DLEC1: variants seen among roughly 807,000 people sequenced by gnomAD.
DLEC1 encodes the protein DLEC1 cilia and flagella associated protein, also known as deleted in lung and esophageal cancer protein 1.
DLEC1 carries 146 observed loss-of-function variants against 198.1 expected under a neutral mutation model. The observed-to-expected ratio is 0.74, with a 90% confidence interval of 0.64 to 0.85. DLEC1 has a LOEUF of 0.85. DLEC1 is among the 40% of genes least tolerant of loss of function. The pLI is 0.00. For synonymous variants in DLEC1, 897 were observed against 866.8 expected (o/e 1.03, Z -0.61); for missense variants, 2,233 against 2,220.0 (o/e 1.01, Z -0.12).
At position 38,114,398 on chromosome 3, in the gene DLEC1, C is replaced by T. The variant is rs1700042719; in HGVS notation, c.3723C>T (p.Pro1241=). The part of the protein sequence containing the change: ...IPVHMAAVGC[P]ISSLRTTSYT... ...TGCACATGGCAGCGGTGGGCTGCCCCATCAGCTCCCTGAGGACCACCTCCT... is the reference window on the plus strand; with the variant it reads ...TGCACATGGCAGCGGTGGGCTGCCCTATCAGCTCCCTGAGGACCACCTCCT... The change falls in exon 26 of 37, where the codon CCC becomes CCT. Residue 1241 remains proline (P), a synonymous_variant. Coordinates refer to ENST00000308059, the MANE Select transcript of DLEC1 (RefSeq NM_007335.4). The T allele has an allele frequency of 6.2e-7, 1 of 1,614,050 alleles. No individual in the cohort carries two copies. The highest frequency in any genetic ancestry group is 8.5e-7 in the Non-Finnish European group (1 of 1,180,024).
At chr3:38,090,264 AC>A (rs923287800) in intron 10 of DLEC1, among the ~76,000 whole-genome samples, 2 of 151,866 alleles carry the variant, frequency 1.3e-5, no homozygotes, top group Non-Finnish European at 2.9e-5. Context: ...GCTCCCTTTC[AC>A]CCCAGTTCCT....
chr3:38,118,365 CCA>C (rs1272931835), intron 33 of DLEC1, among the ~76,000 whole-genome samples: 1 of 152,166 alleles, frequency 6.6e-6, no homozygotes, highest in Non-Finnish European at 1.5e-5. Context: ...CCTCCCCTTC[CCA>C]CACACACAGA....
chr3:38,075,002 C>T (rs182395914), intron 6 of DLEC1, among the ~76,000 whole-genome samples: 16 of 152,030 alleles, frequency 1.1e-4, no homozygotes, highest in Admixed American at 2.0e-4. Context: ...TAAGCCGGAC[C>T]GGGTGTGAGG....
chr3:38,078,954 G>T (rs972914069), intron 6 of DLEC1, among the ~76,000 whole-genome samples: 1 of 152,218 alleles, frequency 6.6e-6, no homozygotes, highest in Non-Finnish European at 1.5e-5. Context: ...GCTTTAAAAG[G>T]CCATGCTGTA....
At chr3:38,073,528 G>A (rs1251442933) in intron 6 of DLEC1, among the ~76,000 whole-genome samples, 1 of 152,136 alleles carries the variant, frequency 6.6e-6, no homozygotes, top group Admixed American at 6.5e-5. Context: ...GGGGGGATAC[G>A]AGAGGAAGAC....
At chr3:38,045,893 C>T (rs1485391965) in intron 2 of DLEC1, among the ~76,000 whole-genome samples, 200 bp downstream of exon 2, 1 of 152,200 alleles carries the variant, frequency 6.6e-6, no homozygotes, top group Non-Finnish European at 1.5e-5. Context: ...AACAAGGACG[C>T]TCTCCTACAT....
intron 2 of DLEC1, among the ~76,000 whole-genome samples, chr3:38,059,508 C>G (rs1357127325): frequency 6.6e-6 from 1 of 152,226 alleles, no homozygotes; most frequent in Non-Finnish European, 1.5e-5. Flanking sequence ...TTATAGACTT[C>G]TCTGTAACAG....
intron 3 of DLEC1, 79 bp downstream of exon 3, chr3:38,059,931 C>T (rs11708345): frequency 0.1 from 119,253 of 1,148,542 alleles, 7,217 homozygotes; most frequent in South Asian, 0.17. Flanking sequence ...CCTCTGCTGC[C>T]ATTTCCTTGC....
chr3:38,076,260 C>A (rs183993393), intron 6 of DLEC1, among the ~76,000 whole-genome samples: 5 of 152,108 alleles, frequency 3.3e-5, no homozygotes, highest in Admixed American at 6.5e-5. Context: ...TTGGGCTCAT[C>A]GGTCTGAGGA....
At chr3:38,111,187 T>A (rs1226221077) in intron 23 of DLEC1, among the ~76,000 whole-genome samples, 1 of 152,200 alleles carries the variant, frequency 6.6e-6, no homozygotes. Context: ...GGGCCCAACT[T>A]AGAAACCACG....
intron 10 of DLEC1, among the ~76,000 whole-genome samples, chr3:38,091,176 G>T (rs73062839): frequency 0.15 from 22,071 of 152,174 alleles, 2,092 homozygotes; most frequent in Non-Finnish European, 0.21. Flanking sequence ...AAAAGCACTG[G>T]CAACAAAAGT....
intron 2 of DLEC1, among the ~76,000 whole-genome samples, chr3:38,052,653 C>A (rs774984549): frequency 6.6e-6 from 1 of 152,172 alleles, no homozygotes; most frequent in Non-Finnish European, 1.5e-5. Flanking sequence ...ATGAGGTCTC[C>A]GTCCACTGGA....
intron 1 of DLEC1, among the ~76,000 whole-genome samples, chr3:38,042,327 C>A (rs1345349098): frequency 1.3e-5 from 2 of 152,034 alleles, no homozygotes; most frequent in Admixed American, 6.5e-5. Flanking sequence ...AGCCATAGAA[C>A]AATGTTAGGA....
intron 18 of DLEC1, among the ~76,000 whole-genome samples, chr3:38,099,686 C>T (rs967461421): frequency 6.6e-5 from 10 of 151,944 alleles, no homozygotes; most frequent in Non-Finnish European, 1.5e-4. Flanking sequence ...AAGAGCCCTC[C>T]CCAGATGGGG....
chr3:38,042,522 T>TTTC (rs1178813160), intron 1 of DLEC1, among the ~76,000 whole-genome samples: 1 of 151,590 alleles, frequency 6.6e-6, no homozygotes, highest in East Asian at 1.9e-4. Context: ...AGAGCAGGCA[T>TTTC]CTGTTATTCC....
rs1417913607 is a variant in DLEC1 at position 38,112,777 on chromosome 3, C to T, written c.3666+416C>T. Among the ~76,000 whole-genome samples, 1 of 152,152 alleles carries T rather than the reference C, an allele frequency of 6.6e-6. No homozygotes were observed. The highest frequency in any genetic ancestry group is 1.5e-5 in the Non-Finnish European group (1 of 68,034). ...TCACCCAGGGGTCCATTTAATTGCT[C>T]CAGCACTCAGCATAAATGGAGTATC... On this transcript the variant is annotated intron_variant, in intron 25 of 36. Coordinates refer to ENST00000308059, the MANE Select transcript of DLEC1 (RefSeq NM_007335.4). This position sits in a 1 kb window ranked among gnomAD's most constrained non-coding sequence, Gnocchi z 4.8.
chr3:38,053,912 T>G (rs1449536284), intron 2 of DLEC1, among the ~76,000 whole-genome samples: 3 of 152,208 alleles, frequency 2.0e-5, no homozygotes, highest in Non-Finnish European at 1.5e-5. Context: ...CCGTGCTCTC[T>G]GAAACATGTG....
chr3:38,056,270 A>G (rs1245395328), intron 2 of DLEC1, among the ~76,000 whole-genome samples: 1 of 152,026 alleles, frequency 6.6e-6, no homozygotes, highest in Non-Finnish European at 1.5e-5. Context: ...CTCAAAAAAA[A>G]ACAATACTGT....
intron 2 of DLEC1, among the ~76,000 whole-genome samples, chr3:38,057,758 G>A (rs532608647): frequency 4.8e-4 from 73 of 152,174 alleles, no homozygotes; most frequent in Middle Eastern, 3.4e-3. Context: ...GTGGGACATG[G>A]TGGAGGTTAA....
Sources: gnomAD v4.1 joint callset for allele counts (sites outside exome capture counted in the v4.1 genomes callset) on GRCh38, gnomAD v4.1.1 for gene constraint, Gnocchi (gnomAD v3.1) non-coding constraint, MANE v1.5 for transcripts, NCBI Gene and HGNC (gene_info 2026-07-23, HGNC 2026-07-21) for gene names.